Variants in RAD51B observed in about 807,000 individuals in gnomAD.
RAD51B encodes DNA repair protein RAD51 homolog 2.
In RAD51B, 38 loss-of-function variants were observed where a neutral mutation model predicts 42.2. The observed-to-expected ratio is 0.90, with a 90% CI of 0.70 to 1.18. The LOEUF (loss-of-function observed/expected upper bound fraction) is 1.18, where lower values mean the gene tolerates loss of function less well. RAD51B is among the 50% of genes most tolerant of loss of function. The pLI is 0.00. For synonymous variants in RAD51B, 154 were observed against 145.2 expected, an observed-to-expected ratio of 1.06 and a Z score of -0.43; for missense variants, 373 against 400.7, an observed-to-expected ratio of 0.93 and a Z score of 0.59.
chr14:68,333,793 A>G (rs980487007), intron 8 of RAD51B, among the ~76,000 whole-genome samples: 1 of 152,240 alleles, frequency 6.6e-6, no homozygotes, highest in Non-Finnish European at 1.5e-5. Context: ...AAGAGCATAT[A>G]ACATCCACTC....
At chr14:67,926,650 G>A (rs1238581796) in intron 7 of RAD51B, among the ~76,000 whole-genome samples, 1 of 132,948 alleles carries the variant, frequency 7.5e-6, no homozygotes, top group East Asian at 2.4e-4. Flanking sequence ...TGCAGCCTCC[G>A]CCTCCTGGGT....
At chr14:68,554,386 C>T (rs1309159266) in intron 10 of RAD51B, among the ~76,000 whole-genome samples, 1 of 152,190 alleles carries the variant, frequency 6.6e-6, no homozygotes. Context: ...AGGCTGGTCT[C>T]CTTGCTGTTC....
intron 5 of RAD51B, among the ~76,000 whole-genome samples, chr14:67,869,586 C>A (rs963606607): frequency 1.3e-5 from 2 of 151,938 alleles, no homozygotes; most frequent in African/African-American, 4.8e-5. Flanking sequence ...ATACAGAGAA[C>A]GCCACAAAGA....
chr14:68,562,487 G>A (rs545466560), intron 10 of RAD51B: 46 of 984,932 alleles, frequency 4.7e-5, no homozygotes, highest in East Asian at 2.3e-4. Context: ...GCCTCTGAGC[G>A]CTCTCTGCCT....
intron 8 of RAD51B, among the ~76,000 whole-genome samples, chr14:68,340,376 C>G (rs1166655677): frequency 6.6e-6 from 1 of 152,190 alleles, no homozygotes; most frequent in Non-Finnish European, 1.5e-5. Context: ...TGTGCTGTGA[C>G]TTGTCTGGAT....
chr14:68,494,956 G>A (rs1422010175), intron 10 of RAD51B, among the ~76,000 whole-genome samples: 4 of 152,166 alleles, frequency 2.6e-5, no homozygotes, highest in African/African-American at 7.2e-5. Flanking sequence ...GTTCTGACTC[G>A]CTTGTAGATT....
intron 8 of RAD51B, among the ~76,000 whole-genome samples, chr14:68,352,729 T>A (rs77632542): frequency 0.03 from 4,607 of 152,320 alleles, 238 homozygotes; most frequent in African/African-American, 0.1. Flanking sequence ...ACTTCATGGC[T>A]TCAGAGAGGG....
At chr14:67,979,767 G>A (rs1473362077) in intron 7 of RAD51B, among the ~76,000 whole-genome samples, 1 of 152,052 alleles carries the variant, frequency 6.6e-6, no homozygotes, top group Admixed American at 6.6e-5. Flanking sequence ...GTAGATATCA[G>A]TGTGATGGAA....
intron 10 of RAD51B, among the ~76,000 whole-genome samples, chr14:68,642,293 C>A (rs1280753041): frequency 6.6e-6 from 1 of 152,048 alleles, no homozygotes; most frequent in East Asian, 1.9e-4. Flanking sequence ...TAGATATAGA[C>A]CTATTCAGAT....
intron 10 of RAD51B, among the ~76,000 whole-genome samples, chr14:68,495,387 C>T (rs1282159753): frequency 2.6e-5 from 4 of 152,000 alleles, no homozygotes; most frequent in Non-Finnish European, 5.9e-5. Flanking sequence ...GAAATCAGAT[C>T]CTGGCACACC....
At chr14:68,339,228 T>C (rs920793213) in intron 8 of RAD51B, 9 of 1,156,376 alleles carry the variant, frequency 7.8e-6, no homozygotes, top group African/African-American at 1.5e-5. Flanking sequence ...TGGCCTGTAC[T>C]TGTGGGCCAG....
chr14:68,540,398 A>G (rs1887898644), intron 10 of RAD51B: 5 of 1,055,222 alleles, frequency 4.7e-6, no homozygotes, highest in Non-Finnish European at 5.7e-6. Context: ...GTCATTACAT[A>G]TGACTTATTC....
chr14:67,844,364 G>C (rs1182489045), intron 4 of RAD51B, among the ~76,000 whole-genome samples: 1 of 151,492 alleles, frequency 6.6e-6, no homozygotes, highest in African/African-American at 2.4e-5. Context: ...ATGTCTATTA[G>C]GTTCATTTGG....
At chr14:68,227,680 A>G (rs1240177064) in intron 7 of RAD51B, among the ~76,000 whole-genome samples, 1 of 152,112 alleles carries the variant, frequency 6.6e-6, no homozygotes, top group Non-Finnish European at 1.5e-5. Context: ...TTTTTTCTTC[A>G]GGGTCCGTCA....
At chr14:67,855,842 G>C (rs1595009143) in intron 4 of RAD51B, among the ~76,000 whole-genome samples, 2 of 152,310 alleles carry the variant, frequency 1.3e-5, no homozygotes, top group Admixed American at 1.3e-4. Context: ...AAACCAGAGA[G>C]AGATTTCAAA....
intron 2 of RAD51B, among the ~76,000 whole-genome samples, chr14:67,825,033 G>A (rs931031846): frequency 4.1e-4 from 55 of 134,024 alleles, no homozygotes; most frequent in African/African-American, 1.3e-3. Flanking sequence ...AGCCGAGATC[G>A]TGCCACTGCA....
intron 7 of RAD51B, among the ~76,000 whole-genome samples, chr14:67,916,504 A>C (rs1387446686): frequency 6.6e-6 from 1 of 152,010 alleles, no homozygotes; most frequent in African/African-American, 2.4e-5. Flanking sequence ...TGGCCTTCCA[A>C]AGTGCTGGGA....
intron 7 of RAD51B, among the ~76,000 whole-genome samples, chr14:68,258,210 TG>T (rs1450082034): frequency 1.3e-5 from 2 of 152,120 alleles, no homozygotes; most frequent in African/African-American, 2.4e-5. Flanking sequence ...GAGACCAGCC[TG>T]GGCAATATAG....
At chr14:68,385,295 G>A (rs1326557112) in intron 8 of RAD51B, among the ~76,000 whole-genome samples, 1 of 152,156 alleles carries the variant, frequency 6.6e-6, no homozygotes, top group South Asian at 2.1e-4. Flanking sequence ...AGAAATTGAA[G>A]CCTTTGGACT....
Sources: gnomAD v4.1 joint callset for allele counts (sites outside exome capture counted in the v4.1 genomes callset) on GRCh38, gnomAD v4.1.1 for gene constraint, MANE v1.5 for transcripts, NCBI Gene and HGNC (gene_info 2026-07-23, HGNC 2026-07-21) for gene names.